The following HIVEP3 variants were observed in gnomAD, a reference collection of about 807,000 sequenced individuals.
HIVEP3 encodes the protein HIVEP zinc finger 3.
HIVEP3 carries 49 observed loss-of-function variants against 152.8 expected under a neutral mutation model. That is an observed-to-expected ratio of 0.32 (90% CI 0.26 to 0.41). The LOEUF is 0.41. Among genes scored for constraint, HIVEP3 ranks in the 10% least tolerant of loss-of-function variants. HIVEP3 has a pLI of 1.00. For missense variants in HIVEP3, 2,790 were observed against 3,103.3 expected, an observed-to-expected ratio of 0.90 and a Z score of 2.40; for synonymous variants, 1,269 against 1,289.0, an observed-to-expected ratio of 0.98 and a Z score of 0.33.
intron 1 of HIVEP3, among the ~76,000 whole-genome samples, chr1:41,952,792 A>G (rs1369337511): frequency 1.3e-5 from 2 of 152,216 alleles, no homozygotes; most frequent in African/African-American, 4.8e-5. Flanking sequence ...CCTATTATTC[A>G]TATTACTGAC....
intron 1 of HIVEP3, among the ~76,000 whole-genome samples, chr1:41,962,697 T>G (rs968031936): frequency 2.0e-5 from 3 of 152,154 alleles, no homozygotes; most frequent in Non-Finnish European, 2.9e-5. Flanking sequence ...GTGGCAAAGG[T>G]GTTGAGAATA....
intron 1 of HIVEP3, among the ~76,000 whole-genome samples, chr1:41,730,128 G>A (rs2124184479): frequency 6.6e-6 from 1 of 152,302 alleles, no homozygotes; most frequent in Middle Eastern, 3.4e-3. Flanking sequence ...TTCTCACAGG[G>A]GCCCTCAAGA....
intron 1 of HIVEP3, among the ~76,000 whole-genome samples, chr1:41,840,937 C>G (rs1337630005): frequency 1.3e-5 from 2 of 152,228 alleles, no homozygotes; most frequent in African/African-American, 4.8e-5. Context: ...CCAGGCCATC[C>G]AGTCAGTGGT....
intron 1 of HIVEP3, among the ~76,000 whole-genome samples, chr1:41,955,855 C>T (rs987929722): frequency 3.3e-5 from 5 of 152,302 alleles, no homozygotes; most frequent in South Asian, 4.1e-4. Context: ...GAATGACTCA[C>T]GGGTTAGGTT....
At chr1:41,944,854 TC>T (rs1008897477) in intron 1 of HIVEP3, among the ~76,000 whole-genome samples, 2 of 151,286 alleles carry the variant, frequency 1.3e-5, no homozygotes, top group Non-Finnish European at 2.9e-5. Context: ...TGGGAAACAT[TC>T]CCCCCAAGGC....
chr1:41,892,876 T>C (rs188325275), intron 1 of HIVEP3, among the ~76,000 whole-genome samples: 6 of 151,898 alleles, frequency 4.0e-5, no homozygotes, highest in Admixed American at 2.6e-4. Flanking sequence ...TCCCAGAACT[T>C]TGGGAGGTTG....
intron 1 of HIVEP3, among the ~76,000 whole-genome samples, chr1:41,889,372 G>A (rs1223098168): frequency 6.6e-6 from 1 of 152,202 alleles, no homozygotes; most frequent in Non-Finnish European, 1.5e-5. Context: ...TGGAGTCACT[G>A]ACAATAACAT....
intron 1 of HIVEP3, among the ~76,000 whole-genome samples, chr1:41,941,824 G>A (rs1171374987): frequency 6.6e-6 from 1 of 152,164 alleles, no homozygotes; most frequent in Non-Finnish European, 1.5e-5. Flanking sequence ...ATAGATCAGG[G>A]CTGGGGCCTG....
chr1:41,584,837 A>G lies in HIVEP3; in HGVS notation c.-40T>C. The G allele has an allele frequency of 6.9e-7, 1 of 1,448,672 alleles. No homozygotes were observed. Among genetic ancestry groups the G allele is most frequent in the Non-Finnish European group, 9.1e-7 (1 of 1,093,142 alleles). 89.7% of individuals were successfully genotyped at this position (1,448,672 alleles called of 1,614,324 possible). A position where few individuals can be genotyped will look rare whatever the true frequency, so the allele number is the denominator to read the frequency against. On this transcript the variant is annotated 5_prime_UTR_variant, in exon 4 of 9. Coordinates refer to ENST00000372583, the MANE Select transcript of HIVEP3 (RefSeq NM_024503.5). This position sits in a 1 kb window ranked among gnomAD's most constrained non-coding sequence, Gnocchi z 5.2. ...CTTCAGATGCTATTCAGGGAGAGTC[A>G]GGGCGGGCTGCATTTATGAATAATC...
At chr1:41,551,799 A>G (rs1196818069) in intron 5 of HIVEP3, among the ~76,000 whole-genome samples, 2 of 152,030 alleles carry the variant, frequency 1.3e-5, no homozygotes, top group Non-Finnish European at 2.9e-5. Flanking sequence ...CTAATGGTCT[A>G]TCAATTTTGT....
At chr1:41,745,859 C>T (rs368864916) in intron 1 of HIVEP3, among the ~76,000 whole-genome samples, 2 of 152,258 alleles carry the variant, frequency 1.3e-5, no homozygotes, top group African/African-American at 4.8e-5. Context: ...GTTTCACAGG[C>T]CTCCTTGCTG....
intron 1 of HIVEP3, among the ~76,000 whole-genome samples, chr1:41,710,573 C>G (rs1368840144): frequency 6.6e-6 from 1 of 152,190 alleles, no homozygotes; most frequent in Non-Finnish European, 1.5e-5. Flanking sequence ...CTGGCCAGCA[C>G]AGTCCTACTC....
At chr1:41,572,433 G>C (rs372711118) in intron 5 of HIVEP3, among the ~76,000 whole-genome samples, 1 of 150,386 alleles carries the variant, frequency 6.6e-6, no homozygotes, top group Non-Finnish European at 1.5e-5. Context: ...CCCACCCTCT[G>C]GGCCCGGCCC....
At chr1:41,803,277 T>TA (rs1650410536) in intron 1 of HIVEP3, among the ~76,000 whole-genome samples, 1 of 152,180 alleles carries the variant, frequency 6.6e-6, no homozygotes, top group African/African-American at 2.4e-5. Context: ...GTGTTGTTAT[T>TA]GTTGCTTTAA....
intron 1 of HIVEP3, among the ~76,000 whole-genome samples, chr1:41,978,904 C>T (rs755630491): frequency 3.9e-5 from 6 of 152,160 alleles, no homozygotes; most frequent in Non-Finnish European, 8.8e-5. Flanking sequence ...CCTGCCCCAA[C>T]GATCACTGCA....
intron 1 of HIVEP3, among the ~76,000 whole-genome samples, chr1:42,004,265 T>A (rs138759633): frequency 9.2e-5 from 14 of 152,372 alleles, no homozygotes; most frequent in African/African-American, 2.6e-4. Context: ...GTAGGCATTC[T>A]AAGCCTTAAT....
At position 41,508,750 on chromosome 1, in the gene HIVEP3, C is replaced by G. The variant is rs917543787; in HGVS notation, c.*1701G>C. On this transcript the variant is annotated 3_prime_UTR_variant, in exon 9 of 9. Coordinates refer to ENST00000372583, the MANE Select transcript of HIVEP3 (RefSeq NM_024503.5). ...CCACCTACTGTGTCCTGTACCCAAGCAGCTTCAATAGCTCAAGAGCCCTGG... is the reference window on the plus strand; with the variant it reads ...CCACCTACTGTGTCCTGTACCCAAGGAGCTTCAATAGCTCAAGAGCCCTGG... The G allele has an allele frequency of 6.6e-6, 1 of 152,420 alleles. No individual in the cohort carries two copies. Among genetic ancestry groups the G allele is most frequent in the African/African-American group, 2.4e-5 (1 of 41,450 alleles). 9.4% of individuals were successfully genotyped at this position (152,420 alleles called of 1,614,324 possible). A position where few individuals can be genotyped will look rare whatever the true frequency, so the allele number is the denominator to read the frequency against.
At chr1:41,612,768 G>A (rs1012345028) in intron 3 of HIVEP3, among the ~76,000 whole-genome samples, 3 of 152,202 alleles carry the variant, frequency 2.0e-5, no homozygotes, top group African/African-American at 7.2e-5. Context: ...TCAGGGCCTA[G>A]AATCATCACC....
chr1:41,879,612 C>G (rs1644229487), intron 1 of HIVEP3, among the ~76,000 whole-genome samples: 1 of 152,202 alleles, frequency 6.6e-6, no homozygotes, highest in Non-Finnish European at 1.5e-5. Flanking sequence ...GCAGTCCTCC[C>G]TTCATCTCCC....
Sources: gnomAD v4.1 joint callset for allele counts (sites outside exome capture counted in the v4.1 genomes callset) on GRCh38, gnomAD v4.1.1 for gene constraint, Gnocchi (gnomAD v3.1) non-coding constraint, MANE v1.5 for transcripts, NCBI Gene and HGNC (gene_info 2026-07-23, HGNC 2026-07-21) for gene names.